Variants in RIMS2 observed in about 807,000 individuals in gnomAD.
RIMS2 encodes regulating synaptic membrane exocytosis 2.
Under a neutral mutation model 174.4 loss-of-function variants are expected in RIMS2, and 59 were observed. That is an observed-to-expected ratio of 0.34 (90% confidence interval 0.27 to 0.42). The LOEUF is 0.42. Ranked by LOEUF, RIMS2 falls within the 10% of genes least tolerant of loss-of-function variation. The pLI, the probability that RIMS2 is intolerant of heterozygous loss-of-function variation, is 1.00. For synonymous variants in RIMS2, 606 were observed against 572.5 expected, an observed-to-expected ratio of 1.06 and a Z score of -0.84; for missense variants, 1,620 against 1,666.3, an observed-to-expected ratio of 0.97 and a Z score of 0.48.
At chr8:103,874,010 A>G (rs976309238) in intron 3 of RIMS2, among the ~76,000 whole-genome samples, 1 of 152,106 alleles carries the variant, frequency 6.6e-6, no homozygotes, top group Non-Finnish European at 1.5e-5. Context: ...AAACTTCAGA[A>G]GTACATGAGT....
chr8:103,953,400 A>G (rs912258393), intron 14 of RIMS2, among the ~76,000 whole-genome samples: 3 of 152,174 alleles, frequency 2.0e-5, no homozygotes, highest in Non-Finnish European at 4.4e-5. Flanking sequence ...AACAGTGGCT[A>G]TCTCGGCAGA....
At chr8:104,044,440 A>G (rs2096659699) in intron 19 of RIMS2, among the ~76,000 whole-genome samples, 1 of 151,448 alleles carries the variant, frequency 6.6e-6, no homozygotes, top group Non-Finnish European at 1.5e-5. Flanking sequence ...TCTTTATGAT[A>G]TGCATAAAGG....
Position 103,905,957 on chromosome 8 carries a change from G to A in RIMS2, c.1625-4177G>A, listed in dbSNP as rs144423874. Among the ~76,000 whole-genome samples, 318 of 151,114 alleles carry A rather than the reference G, an allele frequency of 2.1e-3. 2 individuals are homozygous for A. The highest frequency in any genetic ancestry group is 2.3e-3 in the Non-Finnish European group (156 of 67,762). On this transcript the variant is annotated intron_variant, in intron 4 of 23. Transcript: ENST00000504942. ...CTAAAATTTCCATTTGGTTCTTTATGTGCTTTCTAGTTCTTGTTCTAGAAC... is the reference window on the plus strand; with the variant it reads ...CTAAAATTTCCATTTGGTTCTTTATATGCTTTCTAGTTCTTGTTCTAGAAC...
chr8:103,578,391 G>C (rs1344553720), intron 1 of RIMS2, among the ~76,000 whole-genome samples: 1 of 152,004 alleles, frequency 6.6e-6, no homozygotes, highest in Non-Finnish European at 1.5e-5. Context: ...TTAGCTGAGA[G>C]GAAATGATGT....
At chr8:103,685,245 A>G (rs2136874798) in intron 1 of RIMS2, among the ~76,000 whole-genome samples, 1 of 152,240 alleles carries the variant, frequency 6.6e-6, no homozygotes, top group East Asian at 1.9e-4. Context: ...AAGTGCTGTC[A>G]TTGGCTTCTG....
chr8:104,069,424 G>A (rs148141769), intron 19 of RIMS2, among the ~76,000 whole-genome samples: 140 of 150,994 alleles, frequency 9.3e-4, no homozygotes, highest in African/African-American at 3.3e-3. Context: ...TGAAGTATGA[G>A]GTCTACCAAG....
intron 19 of RIMS2, among the ~76,000 whole-genome samples, chr8:104,153,409 A>G (rs1421054737): frequency 6.6e-6 from 1 of 152,152 alleles, no homozygotes; most frequent in Non-Finnish European, 1.5e-5. Context: ...CAGCATTTCT[A>G]TAAAGATAAT....
chr8:103,801,425 T>C (rs2098607125), intron 3 of RIMS2, among the ~76,000 whole-genome samples: 1 of 152,258 alleles, frequency 6.6e-6, no homozygotes, highest in Non-Finnish European at 1.5e-5. Flanking sequence ...TATTCTAGGG[T>C]TGTCTAAATA....
chr8:103,549,868 CAAAG>C (rs1278167987), intron 1 of RIMS2, among the ~76,000 whole-genome samples: 1 of 152,040 alleles, frequency 6.6e-6, no homozygotes, highest in African/African-American at 2.4e-5. Flanking sequence ...TCAAAAGAGA[CAAAG>C]AAGGCCATTA....
chr8:103,859,293 G>A (rs1253799508), intron 3 of RIMS2, among the ~76,000 whole-genome samples: 1 of 152,156 alleles, frequency 6.6e-6, no homozygotes, highest in African/African-American at 2.4e-5. Context: ...AAAGGGGTAA[G>A]AGAGCAATCT....
chr8:103,714,286 G>A (rs921935715), intron 2 of RIMS2, among the ~76,000 whole-genome samples: 1 of 152,178 alleles, frequency 6.6e-6, no homozygotes, highest in Non-Finnish European at 1.5e-5. Flanking sequence ...CTGTAGCTCA[G>A]CACTGTGATA....
At chr8:103,685,152 C>T (rs1432923344) in intron 1 of RIMS2, among the ~76,000 whole-genome samples, 1 of 147,466 alleles carries the variant, frequency 6.8e-6, no homozygotes, top group Non-Finnish European at 1.5e-5. Context: ...GTCTGTTTTG[C>T]ATTGCTATGA....
chr8:103,722,981 G>C (rs1048801757), intron 2 of RIMS2, among the ~76,000 whole-genome samples: 4 of 152,086 alleles, frequency 2.6e-5, no homozygotes, highest in African/African-American at 9.7e-5. Flanking sequence ...GCATGGTGGG[G>C]CACACCTGTA....
chr8:103,679,327 C>T (rs1010760699), intron 1 of RIMS2, among the ~76,000 whole-genome samples: 1 of 151,822 alleles, frequency 6.6e-6, no homozygotes, highest in African/African-American at 2.4e-5. Context: ...CCTTAAGGGA[C>T]CTCAAACAAA....
intron 19 of RIMS2, among the ~76,000 whole-genome samples, chr8:104,172,040 A>C (rs1022713034): frequency 6.6e-6 from 1 of 152,070 alleles, no homozygotes; most frequent in Non-Finnish European, 1.5e-5. Context: ...AATCTCTTGA[A>C]GCTTATCTCA....
intron 1 of RIMS2, among the ~76,000 whole-genome samples, chr8:103,617,891 T>C (rs1329305343): frequency 6.6e-6 from 1 of 152,096 alleles, no homozygotes; most frequent in East Asian, 1.9e-4. Context: ...ATGGAAAACT[T>C]ATAAAGTGTT....
At chr8:103,622,829 A>G (rs1020713381) in intron 1 of RIMS2, among the ~76,000 whole-genome samples, 1 of 152,226 alleles carries the variant, frequency 6.6e-6, no homozygotes, top group Non-Finnish European at 1.5e-5. Context: ...GCACATGTCT[A>G]AAACTCTTTA....
chr8:103,910,276 G>A (rs746082277), intron 5 of RIMS2, 45 bp from the exon 8 acceptor site: 6 of 1,455,652 alleles, frequency 4.1e-6, no homozygotes, highest in Non-Finnish European at 5.6e-6. Context: ...ACCTTTGCAT[G>A]TTTCTTTTTT....
chr8:104,061,891 C>T (rs899778906), intron 19 of RIMS2, among the ~76,000 whole-genome samples: 3 of 151,868 alleles, frequency 2.0e-5, no homozygotes, highest in African/African-American at 4.8e-5. Context: ...TACTTGTGTA[C>T]ACATCTTTGC....
Sources: allele counts gnomAD v4.1 joint callset (sites outside exome capture counted in the v4.1 genomes callset), GRCh38; gene constraint gnomAD v4.1.1; transcripts MANE v1.5; gene names NCBI Gene and HGNC (gene_info 2026-07-23, HGNC 2026-07-21).